GPHN: variants seen among roughly 807,000 people sequenced by gnomAD.
GPHN encodes gephyrin.
Under a neutral mutation model 95.5 loss-of-function variants are expected in GPHN, and 17 were observed. The observed-to-expected ratio is 0.18, with a 90% CI of 0.12 to 0.27. The LOEUF is 0.27. GPHN is among the 10% of genes least tolerant of loss of function. The pLI, the probability that GPHN is intolerant of heterozygous loss-of-function variation, is 1.00. For synonymous variants in GPHN, 320 were observed against 322.5 expected (o/e 0.99, Z 0.08); for missense variants, 660 against 978.1 (o/e 0.67, Z 4.34).
the GPHN span, chr14:67,647,870 G>A: frequency 4.7e-6 from 3 of 643,416 alleles, no homozygotes; most frequent in South Asian, 4.1e-5. Flanking sequence ...AGTTAATATT[G>A]CCAATCTCAG....
At chr14:67,348,564 C>T in the GPHN span, among the ~76,000 whole-genome samples, 2 of 151,788 alleles carry the variant, frequency 1.3e-5, no homozygotes, top group East Asian at 3.9e-4. Flanking sequence ...CTCTGTCACC[C>T]AGGCTGGAGT....
intron 2 of GPHN, among the ~76,000 whole-genome samples, chr14:66,774,223 C>T (rs2059297679): frequency 2.0e-5 from 3 of 151,198 alleles, no homozygotes; most frequent in Admixed American, 1.3e-4. Flanking sequence ...AGGATGGTCT[C>T]GATCTCCTGA....
the GPHN span, among the ~76,000 whole-genome samples, chr14:67,498,304 G>C: frequency 6.6e-6 from 1 of 152,090 alleles, no homozygotes; most frequent in Non-Finnish European, 1.5e-5. Flanking sequence ...ATCACTCTGT[G>C]GTTCTCCCTG....
At chr14:66,904,404 T>G (rs948666252) in intron 5 of GPHN, among the ~76,000 whole-genome samples, 1 of 152,146 alleles carries the variant, frequency 6.6e-6, no homozygotes, top group Non-Finnish European at 1.5e-5. Context: ...TTTACAAATC[T>G]CTAGCTAGCC....
At chr14:67,281,452 T>C in the GPHN span, among the ~76,000 whole-genome samples, 207 of 152,196 alleles carry the variant, frequency 1.4e-3, no homozygotes, top group African/African-American at 4.5e-3. Flanking sequence ...TTTATTAGAG[T>C]AAAAATACTT....
At chr14:66,972,721 ATAT>A (rs1365495267) in intron 9 of GPHN, among the ~76,000 whole-genome samples, 3 of 152,000 alleles carry the variant, frequency 2.0e-5, no homozygotes, top group East Asian at 1.9e-4. Flanking sequence ...TTGTCATATA[ATAT>A]TGTAATTACT....
intron 1 of GPHN, among the ~76,000 whole-genome samples, chr14:66,623,408 G>T (rs1235515291): frequency 6.6e-6 from 1 of 152,036 alleles, no homozygotes; most frequent in African/African-American, 2.4e-5. Context: ...TAGTTTGCTT[G>T]ATCATGTGAC....
the GPHN span, among the ~76,000 whole-genome samples, chr14:67,591,658 A>C: frequency 6.6e-6 from 1 of 152,100 alleles, no homozygotes; most frequent in Non-Finnish European, 1.5e-5. Context: ...CAGCTTCCCC[A>C]GTAGCTGGGA....
At chr14:67,464,067 T>C in the GPHN span, among the ~76,000 whole-genome samples, 1 of 151,916 alleles carries the variant, frequency 6.6e-6, no homozygotes, top group Non-Finnish European at 1.5e-5. Flanking sequence ...GGTGTGTGTA[T>C]GTGTGAGAGT....
chr14:67,216,208 CTTGTG>C, the GPHN span, among the ~76,000 whole-genome samples: 1 of 151,984 alleles, frequency 6.6e-6, no homozygotes, highest in African/African-American at 2.4e-5. Context: ...AGATTTACTC[CTTGTG>C]TTGTACAGTT....
At chr14:67,661,964 G>T in the GPHN span, among the ~76,000 whole-genome samples, 2 of 151,886 alleles carry the variant, frequency 1.3e-5, no homozygotes, top group East Asian at 3.9e-4. Flanking sequence ...AGACCATCCT[G>T]GCTAACACGG....
chr14:67,569,173 G>A, the GPHN span: 1 of 1,613,372 alleles, frequency 6.2e-7, no homozygotes. Flanking sequence ...CATCGGGCAT[G>A]CGGCTCTCAG....
At chr14:66,684,375 A>C (rs2067198710) in intron 2 of GPHN, among the ~76,000 whole-genome samples, 1 of 152,220 alleles carries the variant, frequency 6.6e-6, no homozygotes, top group Non-Finnish European at 1.5e-5. Context: ...TTCTGTGGAC[A>C]AAGTACAGAA....
chr14:66,904,772 G>C (rs1455552317), intron 5 of GPHN, among the ~76,000 whole-genome samples: 1 of 152,122 alleles, frequency 6.6e-6, no homozygotes, highest in Non-Finnish European at 1.5e-5. Flanking sequence ...CAGTGGGTTG[G>C]TCCAGGGGTC....
the GPHN span, among the ~76,000 whole-genome samples, chr14:67,287,876 T>G: frequency 1.3e-5 from 2 of 152,234 alleles, no homozygotes; most frequent in Non-Finnish European, 2.9e-5. Context: ...AGTATTTTAG[T>G]GTCCTTTTGA....
At chr14:67,496,334 C>A in the GPHN span, among the ~76,000 whole-genome samples, 4 of 150,024 alleles carry the variant, frequency 2.7e-5, no homozygotes, top group South Asian at 8.5e-4. Context: ...CTCAAGTGAT[C>A]CACCCATCTT....
At chr14:66,818,790 T>G (rs113474377) in intron 3 of GPHN, among the ~76,000 whole-genome samples, 2 of 152,130 alleles carry the variant, frequency 1.3e-5, no homozygotes, top group African/African-American at 4.8e-5. Flanking sequence ...TTAGTAATAT[T>G]CTGACTTGCA....
the GPHN span, chr14:67,674,564 C>A: frequency 7.4e-7 from 1 of 1,352,522 alleles, no homozygotes; most frequent in African/African-American, 1.5e-5. Context: ...CGGTCAGCCG[C>A]CCAGCCCAGT....
the GPHN span, among the ~76,000 whole-genome samples, chr14:67,324,815 C>G: frequency 6.6e-6 from 1 of 151,630 alleles, no homozygotes; most frequent in Admixed American, 6.6e-5. Context: ...GAACTCCTGG[C>G]CTCAAGAAAC....
Sources: gnomAD v4.1 joint callset for allele counts (sites outside exome capture counted in the v4.1 genomes callset) on GRCh38, gnomAD v4.1.1 for gene constraint, MANE v1.5 for transcripts, NCBI Gene and HGNC (gene_info 2026-07-23, HGNC 2026-07-21) for gene names.